The following ZNF609 variants were observed in gnomAD, a reference collection of about 807,000 sequenced individuals.
The protein encoded by ZNF609 is zinc finger protein 609.
Under a neutral mutation model 109.5 loss-of-function variants are expected in ZNF609, and 11 were observed. The observed-to-expected ratio is 0.10, with a 90% CI of 0.06 to 0.17. ZNF609 has a LOEUF of 0.17. Among genes scored for constraint, ZNF609 ranks in the 10% least tolerant of loss-of-function variants. The probability of loss-of-function intolerance (pLI) is 1.00; values close to 1 mark genes in which losing one functional copy is unlikely to be tolerated. For synonymous variants in ZNF609, 646 were observed against 662.0 expected (o/e 0.98, Z 0.37); for missense variants, 1,559 against 1,772.4 (o/e 0.88, Z 2.16).
chr15:64,528,735 AC>A, intron 2 of ZNF609: 1 of 1,021,864 alleles, frequency 9.8e-7, no homozygotes, highest in Non-Finnish European at 1.5e-6. Flanking sequence ...TCATTGTCAT[AC>A]CAGGAAATTA....
At chr15:64,631,078 G>C (rs1375182382) in intron 3 of ZNF609, 1 of 432,252 alleles carries the variant, frequency 2.3e-6, no homozygotes, top group Non-Finnish European at 4.3e-6. Flanking sequence ...CATTTTTACA[G>C]TCCTGAGGTC....
chr15:64,639,061 A>G (rs576033342), intron 3 of ZNF609, among the ~76,000 whole-genome samples: 95 of 152,238 alleles, frequency 6.2e-4, no homozygotes, highest in African/African-American at 2.2e-3. Context: ...GGAGTTTGAA[A>G]CCAGCCTGGG....
chr15:64,678,065 A>G, intron 5 of ZNF609, 51 bp from the exon 6 acceptor site: 1 of 1,568,470 alleles, frequency 6.4e-7, no homozygotes, highest in African/African-American at 1.3e-5. Context: ...GGCTTGAAGT[A>G]TATCTGTCTT....
chr15:64,614,317 G>A (rs1273905448), intron 2 of ZNF609, among the ~76,000 whole-genome samples: 3 of 151,230 alleles, frequency 2.0e-5, no homozygotes, highest in South Asian at 2.1e-4. Context: ...TGCAAGCTCC[G>A]CCTCCCAGGT....
chr15:64,601,767 G>A (rs755696471), intron 2 of ZNF609, among the ~76,000 whole-genome samples: 5 of 152,154 alleles, frequency 3.3e-5, no homozygotes, highest in Non-Finnish European at 5.9e-5. Flanking sequence ...ACCATACGTG[G>A]TGCTTAACAG....
In ZNF609 at chr15:64,674,847, C is replaced by T; in HGVS notation, c.1993C>T (p.Pro665Ser). Reference sequence around the variant, plus strand: ...CCGTCCCATTGCCCCTGCCATCCCCCCACAGCAAATCTACACCTTCCAGAC... The same window carrying T: ...CCGTCCCATTGCCCCTGCCATCCCCTCACAGCAAATCTACACCTTCCAGAC... ...SARPIAPAIP[P>S]QQIYTFQTAT... Residue 665 changes from proline (P) to serine (S), a missense_variant, in exon 5 of 10, where the codon CCA becomes TCA. Transcript: ENST00000326648. 6.2e-7 allele frequency: 1 copy of T among 1,613,660 alleles called. No individual in the cohort carries two copies. The highest frequency in any genetic ancestry group is 8.5e-7 in the Non-Finnish European group (1 of 1,179,896).
chr15:64,602,682 T>A (rs1049976776), intron 2 of ZNF609, among the ~76,000 whole-genome samples: 2 of 151,442 alleles, frequency 1.3e-5, no homozygotes, highest in African/African-American at 2.4e-5. Flanking sequence ...TCATGACTTC[T>A]ATTAACTACT....
At chr15:64,573,456 A>ACCATTCTC in intron 2 of ZNF609, among the ~76,000 whole-genome samples, 1 of 139,750 alleles carries the variant, frequency 7.2e-6, no homozygotes, top group East Asian at 2.1e-4. Context: ...CCGGGTTCAT[A>ACCATTCTC]CCATTCTCCT....
At chr15:64,539,629 G>T (rs1894215788) in intron 2 of ZNF609, among the ~76,000 whole-genome samples, 1 of 151,950 alleles carries the variant, frequency 6.6e-6, no homozygotes. Flanking sequence ...TCAGCCTTCG[G>T]AGTAGCTGGG....
At chr15:64,630,450 A>G (rs2140981531) in intron 3 of ZNF609, among the ~76,000 whole-genome samples, 1 of 152,052 alleles carries the variant, frequency 6.6e-6, no homozygotes, top group Admixed American at 6.5e-5. Context: ...ATAATTTTTT[A>G]GTGGTTTCTC....
At chr15:64,497,140 A>C (rs1305494045) in intron 1 of ZNF609, among the ~76,000 whole-genome samples, 1 of 152,078 alleles carries the variant, frequency 6.6e-6, no homozygotes, top group African/African-American at 2.4e-5. Context: ...ATAAGAGATT[A>C]TGTTTCCTTT....
At chr15:64,476,481 G>T (rs1893172188) in intron 1 of ZNF609, among the ~76,000 whole-genome samples, 1 of 152,136 alleles carries the variant, frequency 6.6e-6, no homozygotes, top group African/African-American at 2.4e-5. Context: ...GATGGTTAAA[G>T]TAGAGATCTT....
intron 2 of ZNF609, among the ~76,000 whole-genome samples, chr15:64,522,474 A>G (rs1265194727): frequency 2.6e-5 from 4 of 152,124 alleles, no homozygotes; most frequent in African/African-American, 9.7e-5. Context: ...GCTAGATTTT[A>G]TTACAATTGA....
At chr15:64,625,376 T>A (rs1349813772) in intron 3 of ZNF609, among the ~76,000 whole-genome samples, 1 of 151,890 alleles carries the variant, frequency 6.6e-6, no homozygotes, top group Non-Finnish European at 1.5e-5. Context: ...AAAAAAAAGC[T>A]GGGTATGGTG....
At position 64,578,131 on chromosome 15, in the gene ZNF609, T is replaced by C. The variant is rs1895032693; in HGVS notation, c.748-44696T>C. 2.6e-5 allele frequency among the ~76,000 whole-genome samples: 4 copies of C among 152,028 alleles called. No individual in the cohort carries two copies. The South Asian group carries it at 6.2e-4, about 24-fold the overall frequency. On this transcript the variant is annotated intron_variant, in intron 2 of 9. Transcript: ENST00000326648. ...TTGATAGATTTTTACTAAATAAAAG[T>C]TTAAGATTTATTTATTTATTTTTTT...
At chr15:64,469,365 A>G (rs1284226877) in intron 1 of ZNF609, among the ~76,000 whole-genome samples, 2 of 143,378 alleles carry the variant, frequency 1.4e-5, no homozygotes, top group Non-Finnish European at 3.0e-5. Flanking sequence ...TCGAGGCTGC[A>G]GTGAGCTGTG....
At chr15:64,469,011 T>C (rs1893052892) in intron 1 of ZNF609, among the ~76,000 whole-genome samples, 1 of 118,708 alleles carries the variant, frequency 8.4e-6, no homozygotes, top group Non-Finnish European at 1.6e-5. Context: ...GAGACCAGCC[T>C]GGGCAACAGA....
intron 2 of ZNF609, among the ~76,000 whole-genome samples, chr15:64,512,307 A>T (rs751933116): frequency 2.6e-4 from 40 of 152,322 alleles, no homozygotes; most frequent in Admixed American, 5.9e-4. Context: ...CAAAATTCTT[A>T]TGAGTAGATA....
At chr15:64,460,537 AGGGCCT>A (rs1302156139), upstream of ZNF609, among the ~76,000 whole-genome samples, 8 of 151,994 alleles carry the variant, frequency 5.3e-5, no homozygotes, top group Non-Finnish European at 8.8e-5. Flanking sequence ...TCCGGATCCG[AGGGCCT>A]GGCAGTCCAG....
Sources: allele counts gnomAD v4.1 joint callset (sites outside exome capture counted in the v4.1 genomes callset), GRCh38; gene constraint gnomAD v4.1.1; transcripts MANE v1.5; gene names NCBI Gene and HGNC (gene_info 2026-07-23, HGNC 2026-07-21).